The following ZNF121 variants were observed in gnomAD, a reference collection of about 807,000 sequenced individuals.
The protein encoded by ZNF121 is zinc finger protein 121.
Under a neutral mutation model 2.4 loss-of-function variants are expected in ZNF121, and 1 was observed. The observed-to-expected ratio is 0.41, with a 90% CI of 0.15 to 1.94. The LOEUF is 1.94. Ranked by LOEUF, ZNF121 falls within the 30% of genes most tolerant of loss-of-function variation. The pLI, the probability that ZNF121 is intolerant of heterozygous loss-of-function variation, is 0.30. For synonymous variants in ZNF121, 173 were observed against 158.6 expected, an observed-to-expected ratio of 1.09 and a Z score of -0.68; for missense variants, 369 against 466.3, an observed-to-expected ratio of 0.79 and a Z score of 1.92.
intron 1 of ZNF121, among the ~76,000 whole-genome samples, chr19:9,581,499 C>T (rs2074248114): frequency 6.6e-6 from 1 of 151,968 alleles, no homozygotes; most frequent in African/African-American, 2.4e-5. Flanking sequence ...GTACTGATAA[C>T]GCTTTGTACT....
At chr19:9,575,135 T>C (rs1437972542) in intron 1 of ZNF121, among the ~76,000 whole-genome samples, 5 of 152,176 alleles carry the variant, frequency 3.3e-5, no homozygotes, top group African/African-American at 1.2e-4. Flanking sequence ...GAATACCGTA[T>C]TCAGGTCAGC....
Position 9,562,460 on chromosome 19 carries a change from G to A in ZNF121, c.*3480C>T, listed in dbSNP as rs569326943. On this transcript the variant is annotated 3_prime_UTR_variant, in exon 4 of 4. Coordinates refer to ENST00000320451, the MANE Select transcript of ZNF121 (RefSeq NM_001008727.5). ...ATTACAGGTGTGAGCCACCGTGCCC[G>A]GCTGCTCTGTGATCTTTGATGTTCC... 7.7e-6 allele frequency: 2 copies of A among 259,636 alleles called. No homozygotes were observed. The highest frequency in any genetic ancestry group is 3.2e-5 in the South Asian group (1 of 31,190). 16.1% of individuals were successfully genotyped at this position (259,636 alleles called of 1,614,324 possible). A position where few individuals can be genotyped will look rare whatever the true frequency, so the allele number is the denominator to read the frequency against.
Position 9,560,388 on chromosome 19 carries a change from T to C in ZNF121, c.*5552A>G, listed in dbSNP as rs1318417511. ...CATAAAATTTACCCTTTCACATACTTTGTGTGTACCGAAGAGTATTGTTAA... is the reference window on the plus strand; with the variant it reads ...CATAAAATTTACCCTTTCACATACTCTGTGTGTACCGAAGAGTATTGTTAA... On this transcript the variant is annotated 3_prime_UTR_variant, in exon 4 of 4. Transcript: ENST00000320451. 1 of 152,202 alleles carries C rather than the reference T, an allele frequency of 6.6e-6. No individual in the cohort carries two copies. Among genetic ancestry groups the C allele is most frequent in the Non-Finnish European group, 1.5e-5 (1 of 68,032 alleles). The allele number at this position is 152,202 out of a possible 1,614,324, so 9.4% of individuals were successfully genotyped here.
rs1599732808 is a variant in ZNF121, at chr19:9,563,045, C to A, written c.*2895G>T. The A allele has an allele frequency of 1.6e-5, 2 of 123,932 alleles. No homozygotes were observed. Among genetic ancestry groups the A allele is most frequent in the Non-Finnish European group, 1.6e-5 (1 of 61,768 alleles). The allele number at this position is 123,932 out of a possible 1,614,324, so 7.7% of individuals were successfully genotyped here. A position where few individuals can be genotyped will look rare whatever the true frequency, so the allele number is the denominator to read the frequency against. ...ACTCCAGCCTGGGCAAAAGGGAGACCATGTCTCAAAAAAAAAAAAAAAAAA... is the reference window on the plus strand; with the variant it reads ...ACTCCAGCCTGGGCAAAAGGGAGACAATGTCTCAAAAAAAAAAAAAAAAAA... On this transcript the variant is annotated 3_prime_UTR_variant, in exon 4 of 4. Coordinates refer to ENST00000320451, the MANE Select transcript of ZNF121 (RefSeq NM_001008727.5).
At chr19:9,571,654 A>G (rs906050037) in intron 1 of ZNF121, among the ~76,000 whole-genome samples, 6 of 152,230 alleles carry the variant, frequency 3.9e-5, no homozygotes, top group African/African-American at 1.4e-4. Context: ...GTCGTAACTT[A>G]ATCCCCAGAG....
At chr19:9,582,640 T>C (rs557294616) in intron 1 of ZNF121, among the ~76,000 whole-genome samples, 3 of 151,454 alleles carry the variant, frequency 2.0e-5, no homozygotes, top group African/African-American at 7.3e-5. Flanking sequence ...TGGACGCACC[T>C]AATGCTAGGG....
chr19:9,566,796 T>C lies in ZNF121; in HGVS notation c.317A>G (p.Asn106Ser). Residue 106 changes from asparagine to serine, a missense_variant, in exon 4 of 4, where the codon AAT becomes AGT. Physicochemically the swap from Asn to Ser is conservative, Grantham distance 46. Around this residue, in one of 4 missense-constraint regions of ZNF121, gnomAD observed 168 missense variants for 162.3 expected, o/e 1.03. Transcript: ENST00000320451. Reference protein sequence around the residue: ...AFVDQSHLQANRITHNGETLY... With the variant: ...AFVDQSHLQASRITHNGETLY... ...TGTTTCTCCATTGTGAGTTATCCTA[T>C]TTGCCTGAAGATGTGACTGATCAAC... 6.2e-7 allele frequency: 1 copy of C among 1,614,216 alleles called. No individual in the cohort carries two copies. Among genetic ancestry groups the C allele is most frequent in the Non-Finnish European group, 8.5e-7 (1 of 1,180,044 alleles).
In ZNF121 at chr19:9,566,402, G is replaced by A. The variant is rs141760755; in HGVS notation, c.711C>T (p.Tyr237=). ...GTTCAGTTAGTAGATAAAACCTATTGTAGGCTTTCCCACATTCGTTACATT... is the reference window on the plus strand; with the variant it reads ...GTTCAGTTAGTAGATAAAACCTATTATAGGCTTTCCCACATTCGTTACATT... ...PYECNECGKA[Y]NRFYLLTEHF... The change falls in exon 4 of 4, where the codon TAC becomes TAT. Residue 237 remains tyrosine (Y), a synonymous_variant. Transcript: ENST00000320451. 51 of 1,613,652 alleles carry A rather than the reference G, an allele frequency of 3.2e-5. No homozygotes were observed. The African/African-American group carries it at 5.9e-4, about 19-fold the overall frequency.
intron 1 of ZNF121, among the ~76,000 whole-genome samples, chr19:9,578,730 T>C (rs2074228687): frequency 6.6e-6 from 1 of 152,114 alleles, no homozygotes; most frequent in Non-Finnish European, 1.5e-5. Flanking sequence ...ACTATAAAGC[T>C]ACTAGAGGAA....
chr19:9,567,136 TA>T lies in ZNF121; in HGVS notation c.4-28del. The T allele has an allele frequency of 1.9e-6, 3 of 1,552,036 alleles. No individual in the cohort carries two copies. The South Asian group carries it at 3.6e-5, about 19-fold the overall frequency. On this transcript the variant is annotated intron_variant, in intron 3 of 3. Coordinates refer to ENST00000320451, the MANE Select transcript of ZNF121 (RefSeq NM_001008727.5). ...TGTTAATAAAGGGATGAATGATGAT[TA>T]AAGGATTTTTCAGATTTATCAACAG...
At chr19:9,577,185 C>T (rs1427994634) in intron 1 of ZNF121, among the ~76,000 whole-genome samples, 10 of 152,096 alleles carry the variant, frequency 6.6e-5, no homozygotes, top group Admixed American at 3.3e-4. Context: ...GGCTCACGCC[C>T]GTAATTCCAG....
rs1364199480 is a variant in ZNF121, at chr19:9,566,494, T to A, written c.619A>T (p.Arg207Ter). 1 of 1,614,034 alleles carries A rather than the reference T, an allele frequency of 6.2e-7. No individual in the cohort carries two copies. The highest frequency in any genetic ancestry group is 1.3e-5 in the African/African-American group (1 of 74,958). The stretch of plus-strand genomic sequence containing the variant: ...AGGCCTGAGCGCCCAGCGAAGGCTC[T>A]TCCACATTCCTTACATTGATAAGGT... Reference protein sequence around the residue: ...EKPYQCKECGRAFAGRSGLTK... With the variant: ...EKPYQCKECG The change falls in exon 4 of 4, where the codon AGA becomes TGA. Residue 207 changes from arginine (R) to a stop codon, truncating the protein, a stop_gained. Transcript: ENST00000320451. LOFTEE classifies it low-confidence loss of function (END_TRUNC).
At chr19:9,580,189 G>A (rs1481978001) in intron 1 of ZNF121, among the ~76,000 whole-genome samples, 2 of 152,088 alleles carry the variant, frequency 1.3e-5, no homozygotes, top group East Asian at 3.9e-4. Context: ...CTACTCAGGA[G>A]GCTGAGGCAG....
At position 9,564,842 on chromosome 19, in the gene ZNF121, G is replaced by A. The variant is rs1245795970; in HGVS notation, c.*1098C>T. 6.6e-6 allele frequency: 1 copy of A among 152,280 alleles called. No individual in the cohort carries two copies. The highest frequency in any genetic ancestry group is 1.5e-5 in the Non-Finnish European group (1 of 68,030). The allele number at this position is 152,280 out of a possible 1,614,324, so 9.4% of individuals were successfully genotyped here. A position where few individuals can be genotyped will look rare whatever the true frequency, so the allele number is the denominator to read the frequency against. ...ATGTAATGAAGAGTCAATCAATGCAGCAATCTTCACTGCTGTCTTATTTTA... is the reference window on the plus strand; with the variant it reads ...ATGTAATGAAGAGTCAATCAATGCAACAATCTTCACTGCTGTCTTATTTTA... On this transcript the variant is annotated 3_prime_UTR_variant, in exon 4 of 4. Transcript: ENST00000320451.
At position 9,566,934 on chromosome 19, in the gene ZNF121, GTC is replaced by G; in HGVS notation, c.177_178del (p.Glu59AspfsTer30). ...TCTGCACTGATTCAACACAGAAAGT[GTC>G]TCTCCAGCAGGGGCACTGTTGTGTA... On this transcript the variant is annotated frameshift_variant, in exon 4 of 4. Transcript: ENST00000320451. LOFTEE classifies it low-confidence loss of function (END_TRUNC). 1 of 1,614,192 alleles carries G rather than the reference GTC, an allele frequency of 6.2e-7. No homozygotes were observed. Among genetic ancestry groups the G allele is most frequent in the Non-Finnish European group, 8.5e-7 (1 of 1,180,030 alleles).
chr19:9,574,035 T>C (rs1411425516), intron 1 of ZNF121, among the ~76,000 whole-genome samples: 1 of 151,772 alleles, frequency 6.6e-6, no homozygotes, highest in African/African-American at 2.4e-5. Context: ...TTCTTTTTTT[T>C]TTTTTTTTGT....
At chr19:9,574,335 T>G (rs930342347) in intron 1 of ZNF121, among the ~76,000 whole-genome samples, 1 of 152,026 alleles carries the variant, frequency 6.6e-6, no homozygotes, top group South Asian at 2.1e-4. Flanking sequence ...TTTGTTTTTT[T>G]AGTAGAGACA....
At chr19:9,576,442 T>C (rs2074210819) in intron 1 of ZNF121, among the ~76,000 whole-genome samples, 1 of 151,866 alleles carries the variant, frequency 6.6e-6, no homozygotes, top group African/African-American at 2.4e-5. Context: ...TTGAAACAAA[T>C]TAAAGTGAAA....
intron 1 of ZNF121, among the ~76,000 whole-genome samples, chr19:9,572,234 C>A (rs1220595960): frequency 6.6e-6 from 1 of 152,142 alleles, no homozygotes. Flanking sequence ...TAGGCAGTTT[C>A]TGGGGCTACA....
Sources: gnomAD v4.1 joint callset for allele counts (sites outside exome capture counted in the v4.1 genomes callset) on GRCh38, gnomAD v4.1.1 for gene constraint, gnomAD v4.1.1 regional missense constraint, MANE v1.5 for transcripts, NCBI Gene and HGNC (gene_info 2026-07-23, HGNC 2026-07-21) for gene names.